The following SEPTIN2 variants were observed in gnomAD, a reference collection of about 807,000 sequenced individuals.
SEPTIN2 encodes septin 2.
Under a neutral mutation model 46.5 loss-of-function variants are expected in SEPTIN2, and 34 were observed. That is an observed-to-expected ratio of 0.73 (90% CI 0.56 to 0.97). SEPTIN2 has a LOEUF of 0.97. SEPTIN2 is among the 50% of genes least tolerant of loss of function. The pLI is 0.00. For synonymous variants in SEPTIN2, 175 were observed against 153.4 expected (o/e 1.14, Z -1.04); for missense variants, 347 against 448.4 (o/e 0.77, Z 2.04).
intron 2 of SEPTIN2, 168 bp downstream of exon 2, chr2:241,324,409 A>T: frequency 3.6e-6 from 2 of 549,058 alleles, no homozygotes; most frequent in Non-Finnish European, 6.4e-6. Context: ...TTTTTTTGAG[A>T]CGGGAGTCTT....
chr2:241,338,960 ATATT>A (rs1366338118), intron 7 of SEPTIN2, among the ~76,000 whole-genome samples: 2 of 101,496 alleles, frequency 2.0e-5, no homozygotes, highest in African/African-American at 3.8e-5. Flanking sequence ...TATATAATAT[ATATT>A]ATAAATATAA....
Position 241,337,499 on chromosome 2 carries a change from T to G in SEPTIN2, c.459T>G (p.Ile153Met), listed in dbSNP as rs762223266. 2 of 1,613,962 alleles carry G rather than the reference T, an allele frequency of 1.2e-6. No individual in the cohort carries two copies. Among genetic ancestry groups the G allele is most frequent in the East Asian group, 4.5e-5 (2 of 44,872 alleles). ...DNRVHCCFYF[I>M]SPFGHGLKPL... ...GGGTGCATTGTTGCTTTTACTTTATTTCACCTTTTGGACATGGGTAAGTAA... is the reference window on the plus strand; with the variant it reads ...GGGTGCATTGTTGCTTTTACTTTATGTCACCTTTTGGACATGGGTAAGTAA... Residue 153 changes from isoleucine (I) to methionine (M), a missense_variant, in exon 6 of 13, where the codon ATT (isoleucine) becomes ATG (methionine). Physicochemically the swap from Ile to Met is conservative, Grantham distance 10 (BLOSUM62 1). Transcript: ENST00000391971.
At chr2:241,344,841 G>A (rs933166222) in intron 9 of SEPTIN2, among the ~76,000 whole-genome samples, 2 of 152,272 alleles carry the variant, frequency 1.3e-5, no homozygotes, top group South Asian at 2.1e-4. Flanking sequence ...CCAGGCGGGC[G>A]GATCACTTGA....
chr2:241,341,394 TACTA>T (rs78412145), intron 7 of SEPTIN2, among the ~76,000 whole-genome samples: 26,000 of 152,080 alleles, frequency 0.17, 2,548 homozygotes, highest in East Asian at 0.4. Context: ...TTAAATAGCT[TACTA>T]ACTGTTTCCG....
chr2:241,316,585 A>G (rs1026071354), intron 1 of SEPTIN2: 10 of 1,449,530 alleles, frequency 6.9e-6, no homozygotes, highest in South Asian at 1.3e-5. Context: ...GGTAGGGTAT[A>G]GGGTTGGAGG....
At chr2:241,326,201 AAG>A (rs1187331898) in intron 3 of SEPTIN2, 88 bp downstream of exon 3, 3 of 1,294,466 alleles carry the variant, frequency 2.3e-6, no homozygotes, top group Non-Finnish European at 2.1e-6. Context: ...CCTATAAAGA[AAG>A]AGGAAAATTT....
chr2:241,324,200 G>T lies in SEPTIN2; in HGVS notation c.-17-16G>T, dbSNP rs534006540. On this transcript the variant is annotated splice_polypyrimidine_tract_variant and intron_variant, in intron 1 of 12. Transcript: ENST00000391971. Reference sequence around the variant, plus strand: ...TATGTGCGTTTATGTGTGTCTGTGTGTTTTTTTTTTAACAGACGAAGCTTC... The same window carrying T: ...TATGTGCGTTTATGTGTGTCTGTGTTTTTTTTTTTTAACAGACGAAGCTTC... 9.2e-6 allele frequency: 13 copies of T among 1,419,028 alleles called. No homozygotes were observed. In the South Asian group the frequency reaches 1.2e-4, roughly 13 times the overall value. The allele number at this position is 1,419,028 out of a possible 1,614,324, so 87.9% of individuals were successfully genotyped here. A position where few individuals can be genotyped will look rare whatever the true frequency, so the allele number is the denominator to read the frequency against.
rs761543805 is a variant in SEPTIN2 at position 241,326,165 on chromosome 2, C to T, written c.130+52C>T. On this transcript the variant is annotated intron_variant, in intron 3 of 12. Coordinates refer to ENST00000391971, the MANE Select transcript of SEPTIN2 (RefSeq NM_004404.5). The stretch of plus-strand genomic sequence containing the variant: ...CTTACTAAATAAATATCTCCCCTTT[C>T]CAATCTCTGGAGTATGATAACGTGA... The T allele has an allele frequency of 1.7e-5, 27 of 1,547,532 alleles. 1 individual carries two copies. In the South Asian group the frequency reaches 3.0e-4, roughly 17 times the overall value.
intron 7 of SEPTIN2, among the ~76,000 whole-genome samples, chr2:241,339,249 C>T (rs935117206): frequency 1.6e-4 from 24 of 150,818 alleles, no homozygotes; most frequent in Admixed American, 1.0e-3. Context: ...AAAAGTTAGC[C>T]GGGCGTGGTG....
intron 3 of SEPTIN2, among the ~76,000 whole-genome samples, chr2:241,332,935 T>TA (rs2079239483): frequency 1.3e-5 from 2 of 152,160 alleles, no homozygotes; most frequent in Admixed American, 1.3e-4. Flanking sequence ...AGTGACAAAG[T>TA]AGATTGGTGT....
chr2:241,348,076 G>T, intron 10 of SEPTIN2, 58 bp from the exon 11 acceptor site: 5 of 1,348,224 alleles, frequency 3.7e-6, no homozygotes, highest in Non-Finnish European at 4.2e-6. Context: ...ATTTTTTGGG[G>T]GGGTAGCAAA....
chr2:241,344,422 G>T (rs2081701468), intron 9 of SEPTIN2, among the ~76,000 whole-genome samples: 1 of 152,164 alleles, frequency 6.6e-6, no homozygotes, highest in Non-Finnish European at 1.5e-5. Context: ...TTCATGGCTG[G>T]GCGTGGTGGC....
chr2:241,328,950 G>A (rs1448782067), intron 3 of SEPTIN2, among the ~76,000 whole-genome samples: 1 of 151,738 alleles, frequency 6.6e-6, no homozygotes, highest in South Asian at 2.1e-4. Flanking sequence ...AACCCGGGAG[G>A]TGGAGGTTGC....
At chr2:241,338,952 TATA>T (rs886362951) in intron 7 of SEPTIN2, among the ~76,000 whole-genome samples, 1 of 100,992 alleles carries the variant, frequency 9.9e-6, no homozygotes, top group Non-Finnish European at 1.8e-5. Flanking sequence ...ATATTATATA[TATA>T]ATATATATTA....
intron 7 of SEPTIN2, among the ~76,000 whole-genome samples, chr2:241,342,763 C>A (rs1293151302): frequency 6.6e-6 from 1 of 152,012 alleles, no homozygotes; most frequent in Non-Finnish European, 1.5e-5. Flanking sequence ...GTCTCCATCT[C>A]CTGACCTTGT....
intron 1 of SEPTIN2, chr2:241,317,009 A>C (rs1002509063): frequency 1.3e-5 from 2 of 153,962 alleles, no homozygotes; most frequent in African/African-American, 4.8e-5. Flanking sequence ...ACCCATACTC[A>C]TTGCCTCGGT....
chr2:241,350,335 A>G, intron 12 of SEPTIN2, 132 bp downstream of exon 12: 4 of 425,016 alleles, frequency 9.4e-6, no homozygotes, highest in Non-Finnish European at 1.3e-5. Flanking sequence ...AATCTTAAAC[A>G]AGGAGAGATT....
At chr2:241,324,070 A>T in intron 1 of SEPTIN2, 146 bp from the exon 2 acceptor site, 1 of 662,376 alleles carries the variant, frequency 1.5e-6, no homozygotes. Context: ...ATGCATTTGG[A>T]AGGTCCTGAA....
intron 2 of SEPTIN2, chr2:241,324,466 C>A (rs1184520608): frequency 3.9e-6 from 2 of 507,980 alleles, no homozygotes; most frequent in Admixed American, 3.1e-5. Context: ...CAGCTCACTG[C>A]AACTTCTGCC....
Sources: allele counts gnomAD v4.1 joint callset (sites outside exome capture counted in the v4.1 genomes callset), GRCh38; gene constraint gnomAD v4.1.1; transcripts MANE v1.5; gene names NCBI Gene and HGNC (gene_info 2026-07-23, HGNC 2026-07-21).